NFKB1: variants seen among roughly 807,000 people sequenced by gnomAD.
The protein encoded by NFKB1 is nuclear factor NF-kappa-B p105 subunit.
Under a neutral mutation model 105.1 loss-of-function variants are expected in NFKB1, and 9 were observed. The ratio of observed to expected loss-of-function variants is 0.09; its 90% CI spans 0.05 to 0.15. NFKB1 has a LOEUF of 0.15. Among genes scored for constraint, NFKB1 ranks in the 10% least tolerant of loss-of-function variants. NFKB1 has a pLI of 1.00. For missense variants in NFKB1, 830 were observed against 1,203.7 expected (o/e 0.69, Z 4.59); for synonymous variants, 440 against 442.2 (o/e 1.00, Z 0.06).
At chr4:102,615,984 A>G (rs1327023544) in intron 23 of NFKB1, among the ~76,000 whole-genome samples, 2 of 152,236 alleles carry the variant, frequency 1.3e-5, no homozygotes, top group Non-Finnish European at 2.9e-5. Flanking sequence ...TTTCAAGGCA[A>G]TGTATGCTGT....
intron 5 of NFKB1, among the ~76,000 whole-genome samples, chr4:102,542,772 A>T (rs1334094282): frequency 6.6e-6 from 1 of 152,208 alleles, no homozygotes; most frequent in East Asian, 1.9e-4. Context: ...ACTGGACGCC[A>T]TTGAAGATTA....
intron 5 of NFKB1, among the ~76,000 whole-genome samples, chr4:102,562,501 A>G (rs760171130): frequency 6.6e-6 from 1 of 152,162 alleles, no homozygotes; most frequent in Non-Finnish European, 1.5e-5. Flanking sequence ...TCGCTGAATA[A>G]ATAGAGAAAT....
intron 5 of NFKB1, among the ~76,000 whole-genome samples, chr4:102,543,963 AC>A (rs1370187629): frequency 6.6e-6 from 1 of 152,076 alleles, no homozygotes; most frequent in Non-Finnish European, 1.5e-5. Flanking sequence ...AAATAACCAT[AC>A]CCCTATGTAC....
intron 11 of NFKB1, among the ~76,000 whole-genome samples, chr4:102,588,058 A>G (rs1443404254): frequency 6.6e-6 from 1 of 152,150 alleles, no homozygotes; most frequent in African/African-American, 2.4e-5. Context: ...AACCTGTCTT[A>G]TCTATTTATT....
rs115426115 is a variant in NFKB1 at position 102,577,618 on chromosome 4, T to C, written c.571+579T>C. On this transcript the variant is annotated intron_variant, in intron 7 of 23. Transcript: ENST00000226574. ...ACCACATGCCCCATTTCTACTTTTG[T>C]ATTTTGTCCTTTACTCTGGCCGTCC... 4.2e-3 allele frequency: 680 copies of C among 162,388 alleles called. 6 individuals are homozygous for C. The highest frequency in any genetic ancestry group is 0.016 in the African/African-American group (658 of 41,766). The allele number at this position is 162,388 out of a possible 1,614,324, so 10.1% of individuals were successfully genotyped here.
intron 5 of NFKB1, among the ~76,000 whole-genome samples, chr4:102,565,374 T>A (rs1161243659): frequency 6.6e-6 from 1 of 152,150 alleles, no homozygotes; most frequent in Non-Finnish European, 1.5e-5. Flanking sequence ...CTGTCCTTTG[T>A]TGACGAGTGA....
At chr4:102,581,199 A>G (rs1451748910) in intron 9 of NFKB1, among the ~76,000 whole-genome samples, 1 of 152,158 alleles carries the variant, frequency 6.6e-6, no homozygotes, top group African/African-American at 2.4e-5. Flanking sequence ...CTTTCATTAG[A>G]TATATTACAA....
intron 2 of NFKB1, among the ~76,000 whole-genome samples, chr4:102,528,383 G>A (rs184795303): frequency 3.3e-5 from 5 of 152,190 alleles, no homozygotes; most frequent in South Asian, 2.1e-4. Flanking sequence ...GAAGTGAAGC[G>A]CATTCTTTGT....
intron 14 of NFKB1, 42 bp downstream of exon 14, chr4:102,596,374 A>G (rs1435500901): frequency 6.5e-7 from 1 of 1,541,302 alleles, no homozygotes; most frequent in Admixed American, 1.8e-5. Flanking sequence ...TTGGCTGGGG[A>G]GGGGTCAGTC....
intron 11 of NFKB1, among the ~76,000 whole-genome samples, chr4:102,588,116 T>C (rs1024372530): frequency 6.6e-6 from 1 of 152,210 alleles, no homozygotes; most frequent in Admixed American, 6.5e-5. Context: ...GAATCTTCTT[T>C]AGGTCATAGA....
At chr4:102,586,646 A>C (rs1725734244) in intron 11 of NFKB1, among the ~76,000 whole-genome samples, 1 of 152,184 alleles carries the variant, frequency 6.6e-6, no homozygotes, top group South Asian at 2.1e-4. Context: ...TGTATTTTAC[A>C]TACTGAAAAC....
At chr4:102,604,918 G>A (rs1174198157) in intron 16 of NFKB1, among the ~76,000 whole-genome samples, 3 of 150,182 alleles carry the variant, frequency 2.0e-5, no homozygotes, top group Non-Finnish European at 4.4e-5. Context: ...TTGGATTTAA[G>A]AACTAGAAGG....
chr4:102,537,948 C>G lies in NFKB1; in HGVS notation c.250C>G (p.Gln84Glu). ...SSEKNKKSYP[Q>E]VKICNYVGPA... ...TGAAAAGAACAAGAAGTCTTACCCT[C>G]AGGTCAAAGTAAGTTTGTGGTAGCT... The change falls in exon 5 of 24, where the codon CAG (glutamine) becomes GAG (glutamate). Residue 84 changes from glutamine to glutamate, a missense_variant. Around this residue, in one of 8 missense-constraint regions of NFKB1, gnomAD observed 64 missense variants for 79.9 expected, o/e 0.80. Transcript: ENST00000226574. 1 of 1,599,804 alleles carries G rather than the reference C, an allele frequency of 6.3e-7. No individual in the cohort carries two copies. Among genetic ancestry groups the G allele is most frequent in the Non-Finnish European group, 8.6e-7 (1 of 1,167,420 alleles).
At chr4:102,547,631 A>ACG (rs1722238068) in intron 5 of NFKB1, among the ~76,000 whole-genome samples, 1 of 152,226 alleles carries the variant, frequency 6.6e-6, no homozygotes, top group Non-Finnish European at 1.5e-5. Context: ...CATGCCACAC[A>ACG]GTAAGCACTT....
At chr4:102,606,415 T>A in intron 16 of NFKB1, 81 bp from the exon 17 acceptor site, 1 of 1,317,676 alleles carries the variant, frequency 7.6e-7, no homozygotes, top group East Asian at 2.3e-5. Context: ...CCCCACCTAT[T>A]GCAGTAACAG....
At chr4:102,565,254 C>T (rs1426552534) in intron 5 of NFKB1, among the ~76,000 whole-genome samples, 1 of 152,032 alleles carries the variant, frequency 6.6e-6, no homozygotes, top group Admixed American at 6.6e-5. Flanking sequence ...GGGGACCCTG[C>T]TCTTTGAGAA....
intron 1 of NFKB1, chr4:102,503,262 G>A (rs1046333564): frequency 2.6e-5 from 4 of 151,938 alleles, no homozygotes; most frequent in African/African-American, 9.7e-5. Context: ...GAACATGTAC[G>A]ATTAATGGAG....
At chr4:102,538,645 A>C (rs1169342091) in intron 5 of NFKB1, among the ~76,000 whole-genome samples, 2 of 152,156 alleles carry the variant, frequency 1.3e-5, no homozygotes, top group Non-Finnish European at 2.9e-5. Flanking sequence ...TGTTTATTTG[A>C]GAATATTTTT....
chr4:102,559,998 A>C (rs1162076475), intron 5 of NFKB1, among the ~76,000 whole-genome samples: 1 of 151,956 alleles, frequency 6.6e-6, no homozygotes, highest in African/African-American at 2.4e-5. Context: ...CTAGAATATC[A>C]GTATTATATA....
Sources: gnomAD v4.1 joint callset for allele counts (sites outside exome capture counted in the v4.1 genomes callset) on GRCh38, gnomAD v4.1.1 for gene constraint, gnomAD v4.1.1 regional missense constraint, MANE v1.5 for transcripts, NCBI Gene and HGNC (gene_info 2026-07-23, HGNC 2026-07-21) for gene names.